ST7: variants seen among roughly 807,000 people sequenced by gnomAD.
ST7 encodes the protein suppression of tumorigenicity 7, also known as suppressor of tumorigenicity 7 protein.
A neutral mutation model predicts 78.7 loss-of-function variants in ST7; 28 were observed. That is an observed-to-expected ratio of 0.36 (90% CI 0.26 to 0.49). The LOEUF (loss-of-function observed/expected upper bound fraction) is 0.49. Ranked by LOEUF, ST7 falls within the 20% of genes least tolerant of loss-of-function variation. The pLI is 0.99. For synonymous variants in ST7, 247 were observed against 249.6 expected (o/e 0.99, Z 0.10); for missense variants, 418 against 696.0 (o/e 0.60, Z 4.49).
At chr7:117,065,290 T>C (rs1030855968) in intron 1 of ST7, among the ~76,000 whole-genome samples, 1 of 142,884 alleles carries the variant, frequency 7.0e-6, no homozygotes, top group African/African-American at 2.6e-5. Context: ...CTCACTGCAA[T>C]CTCCACCTCC....
chr7:117,093,470 G>A (rs1173901015), intron 1 of ST7, among the ~76,000 whole-genome samples: 1 of 152,218 alleles, frequency 6.6e-6, no homozygotes, highest in Non-Finnish European at 1.5e-5. Flanking sequence ...GGGAGGCTGA[G>A]TGGGGTGGAT....
intron 2 of ST7, among the ~76,000 whole-genome samples, chr7:117,114,185 T>G (rs541209227): frequency 6.6e-6 from 1 of 152,074 alleles, no homozygotes; most frequent in South Asian, 2.1e-4. Context: ...CCCACTCAGT[T>G]GCTATTCCAT....
intron 1 of ST7, among the ~76,000 whole-genome samples, chr7:116,982,984 C>T (rs34042687): frequency 0.15 from 22,949 of 152,128 alleles, 2,208 homozygotes; most frequent in South Asian, 0.23. Context: ...CTGCAACCTC[C>T]GCCTCCCAGG....
intron 1 of ST7, among the ~76,000 whole-genome samples, chr7:116,986,806 G>A (rs1022952950): frequency 2.0e-5 from 3 of 152,298 alleles, no homozygotes; most frequent in African/African-American, 7.2e-5. Context: ...TAAAGTCATG[G>A]GATTAGATAT....
chr7:116,981,005 G>T (rs1005418662), intron 1 of ST7, among the ~76,000 whole-genome samples: 18 of 152,048 alleles, frequency 1.2e-4, no homozygotes, highest in Admixed American at 7.9e-4. Context: ...TTCTGCAAAA[G>T]TTCCTCAATT....
chr7:116,962,431 A>T (rs1792881892), intron 1 of ST7, among the ~76,000 whole-genome samples: 1 of 152,156 alleles, frequency 6.6e-6, no homozygotes, highest in Non-Finnish European at 1.5e-5. Context: ...CTGTTTCTTC[A>T]CAGCCTCACC....
chr7:116,964,631 G>A (rs1324706501), intron 1 of ST7, among the ~76,000 whole-genome samples: 1 of 152,172 alleles, frequency 6.6e-6, no homozygotes, highest in Non-Finnish European at 1.5e-5. Context: ...AGTTGGCGTG[G>A]TTTAGAGAGG....
intron 9 of ST7, among the ~76,000 whole-genome samples, chr7:117,161,564 T>C (rs1270138981): frequency 6.6e-6 from 1 of 151,286 alleles, no homozygotes; most frequent in African/African-American, 2.4e-5. Flanking sequence ...CCAGTGAGTC[T>C]GTTTTTTCAG....
chr7:117,152,189 A>T (rs1486112538), intron 9 of ST7, among the ~76,000 whole-genome samples: 4,701 of 59,946 alleles, frequency 0.078, 428 homozygotes, highest in African/African-American at 0.32. Context: ...ATATATATAT[A>T]TATATATATA....
chr7:117,035,967 A>T (rs1044242708), intron 1 of ST7, among the ~76,000 whole-genome samples: 1 of 152,204 alleles, frequency 6.6e-6, no homozygotes, highest in Admixed American at 6.5e-5. Flanking sequence ...GTATACAAGA[A>T]GTTTATAGCT....
chr7:117,130,838 A>T (rs1355833674), intron 5 of ST7, among the ~76,000 whole-genome samples: 1 of 151,922 alleles, frequency 6.6e-6, no homozygotes, highest in African/African-American at 2.4e-5. Context: ...TTAAAAATAT[A>T]TCGAAGTTGG....
intron 1 of ST7, chr7:116,965,947 A>G (rs1212234762): frequency 3.7e-6 from 1 of 269,284 alleles, no homozygotes; most frequent in Non-Finnish European, 7.9e-6. Context: ...GGGGAAATGT[A>G]GTTGTATAGT....
At chr7:116,955,425 A>G (rs185083610) in intron 1 of ST7, among the ~76,000 whole-genome samples, 2 of 152,282 alleles carry the variant, frequency 1.3e-5, no homozygotes, top group East Asian at 1.9e-4. Flanking sequence ...GTAAGAGAAC[A>G]TGAGAAAACA....
chr7:117,028,483 T>C (rs2116125775), intron 1 of ST7, among the ~76,000 whole-genome samples: 1 of 152,284 alleles, frequency 6.6e-6, no homozygotes, highest in Non-Finnish European at 1.5e-5. Context: ...TGGCTTCTTC[T>C]AGAACACCTA....
chr7:117,077,265 G>A (rs762453936), intron 1 of ST7, among the ~76,000 whole-genome samples: 1 of 152,136 alleles, frequency 6.6e-6, no homozygotes, highest in Non-Finnish European at 1.5e-5. Context: ...TAGGAAAAGG[G>A]AACATTTGAG....
intron 1 of ST7, among the ~76,000 whole-genome samples, chr7:117,016,573 C>A (rs1795626214): frequency 6.6e-6 from 1 of 152,090 alleles, no homozygotes; most frequent in African/African-American, 2.4e-5. Flanking sequence ...AAATAGACAT[C>A]AAGAGAATCC....
rs112071074 is a variant in ST7, at chr7:117,119,796, T to G, written c.394+76T>G. The G allele has an allele frequency of 2.9e-3, 4,380 of 1,501,916 alleles. 119 individuals carry two copies. In the African/African-American group the frequency reaches 0.053, roughly 18 times the overall value. 93.0% of individuals were successfully genotyped at this position (1,501,916 alleles called of 1,614,324 possible). A position where few individuals can be genotyped will look rare whatever the true frequency, so the allele number is the denominator to read the frequency against. ...TATTATTGTTACTCATACTAAGAGATTAAGAATGTTGTTATTTAAACATTA... is the reference window on the plus strand; with the variant it reads ...TATTATTGTTACTCATACTAAGAGAGTAAGAATGTTGTTATTTAAACATTA... On this transcript the variant is annotated intron_variant, in intron 3 of 15. Coordinates refer to ENST00000323984, the MANE Select transcript of ST7 (RefSeq NM_001369598.1).
At chr7:117,077,806 G>C (rs1312899836) in intron 1 of ST7, among the ~76,000 whole-genome samples, 2 of 151,174 alleles carry the variant, frequency 1.3e-5, no homozygotes, top group African/African-American at 2.4e-5. Flanking sequence ...AATCAGTGTG[G>C]GTTTGAGTTC....
intron 1 of ST7, among the ~76,000 whole-genome samples, chr7:116,997,028 C>A (rs1225195101): frequency 6.6e-6 from 1 of 152,112 alleles, no homozygotes; most frequent in African/African-American, 2.4e-5. Flanking sequence ...CACGGACCCT[C>A]ATGGTGAGCG....
Sources: allele counts gnomAD v4.1 joint callset (sites outside exome capture counted in the v4.1 genomes callset), GRCh38; gene constraint gnomAD v4.1.1; transcripts MANE v1.5; gene names NCBI Gene and HGNC (gene_info 2026-07-23, HGNC 2026-07-21).